The following DENND5B variants were observed in gnomAD, a reference collection of about 807,000 sequenced individuals.
DENND5B encodes the protein DENN domain containing 5B.
In DENND5B, 34 loss-of-function variants were observed where a neutral mutation model predicts 140.6. The ratio of observed to expected loss-of-function variants is 0.24; its 90% CI spans 0.18 to 0.32. The LOEUF is 0.32. DENND5B is among the 10% of genes least tolerant of loss of function. The pLI is 1.00. For synonymous variants in DENND5B, 551 were observed against 562.1 expected (o/e 0.98, Z 0.28); for missense variants, 1,142 against 1,560.2 (o/e 0.73, Z 4.52).
At chr12:31,427,863 G>A (rs1943319216) in intron 8 of DENND5B, among the ~76,000 whole-genome samples, 1 of 152,006 alleles carries the variant, frequency 6.6e-6, no homozygotes, top group South Asian at 2.1e-4. Flanking sequence ...TATAAAAGAA[G>A]ATGTGTAAAA....
At chr12:31,477,263 A>G (rs542953643) in intron 3 of DENND5B, among the ~76,000 whole-genome samples, 22 of 152,254 alleles carry the variant, frequency 1.4e-4, no homozygotes, top group African/African-American at 5.1e-4. Context: ...CTAATGGGCT[A>G]AAACACCATA....
chr12:31,590,393 C>T (rs1300080337), intron 1 of DENND5B: 2 of 189,010 alleles, frequency 1.1e-5, no homozygotes, highest in Non-Finnish European at 2.2e-5. Flanking sequence ...CACCGGCCGC[C>T]TCCGAGTGCG....
At chr12:31,438,072 C>G (rs1943858233) in intron 7 of DENND5B, among the ~76,000 whole-genome samples, 1 of 152,098 alleles carries the variant, frequency 6.6e-6, no homozygotes, top group Non-Finnish European at 1.5e-5. Context: ...ACCTCTGCCG[C>G]TCAAGTGATT....
rs557782426 is a variant in DENND5B, at chr12:31,555,340, G to A, written c.127+35366C>T. 1.1e-3 allele frequency among the ~76,000 whole-genome samples: 174 copies of A among 152,306 alleles called. 1 individual carries two copies. The highest frequency in any genetic ancestry group is 4.0e-3 in the African/African-American group (165 of 41,566). On this transcript the variant is annotated intron_variant, in intron 1 of 20. Coordinates refer to ENST00000389082, the MANE Select transcript of DENND5B (RefSeq NM_144973.4). ...TCCACTCCAGACCCTGTTTGCCTGG[G>A]TATCAGCAGCAGTGGCTGCAGAACA...
At chr12:31,461,406 T>G (rs1209447962) in intron 3 of DENND5B, among the ~76,000 whole-genome samples, 1 of 152,194 alleles carries the variant, frequency 6.6e-6, no homozygotes, top group Non-Finnish European at 1.5e-5. Flanking sequence ...CTCACTAGTT[T>G]ATCAAAATTA....
At position 31,521,490 on chromosome 12, in the gene DENND5B, AG is replaced by A. The variant is rs576352426; in HGVS notation, c.128-25572del. ...CTTATTTTTGTAGACTGAACTGTAC[AG>A]GGTTAAGTAAAATTATAATGAGAAA... On this transcript the variant is annotated intron_variant, in intron 1 of 20. Transcript: ENST00000389082. Among the ~76,000 whole-genome samples, 20 of 152,238 alleles carry A rather than the reference AG, an allele frequency of 1.3e-4. No individual in the cohort carries two copies. In the East Asian group the frequency reaches 3.9e-3, roughly 29 times the overall value.
intron 1 of DENND5B, among the ~76,000 whole-genome samples, chr12:31,542,667 A>T (rs1394570365): frequency 6.6e-6 from 1 of 152,206 alleles, no homozygotes; most frequent in South Asian, 2.1e-4. Flanking sequence ...AAAATTTTTT[A>T]AAAATGGGTA....
At chr12:31,490,440 C>T (rs77330293) in intron 2 of DENND5B, among the ~76,000 whole-genome samples, 3,131 of 151,976 alleles carry the variant, frequency 0.021, 56 homozygotes, top group South Asian at 0.053. Context: ...AGCCAAACCC[C>T]GTCTCCTCAA....
chr12:31,552,111 A>G (rs1247716604), intron 1 of DENND5B, among the ~76,000 whole-genome samples: 1 of 152,104 alleles, frequency 6.6e-6, no homozygotes, highest in Admixed American at 6.5e-5. Context: ...GTTGAATAGG[A>G]GTCGTGAGAG....
At chr12:31,552,041 T>C (rs887618153) in intron 1 of DENND5B, among the ~76,000 whole-genome samples, 8 of 152,182 alleles carry the variant, frequency 5.3e-5, no homozygotes, top group Non-Finnish European at 7.3e-5. Flanking sequence ...CTTTTCCTAA[T>C]TGAATACCCT....
intron 2 of DENND5B, among the ~76,000 whole-genome samples, chr12:31,490,105 G>C (rs1946466612): frequency 6.6e-6 from 1 of 151,266 alleles, no homozygotes; most frequent in Non-Finnish European, 1.5e-5. Context: ...TACATTGTTG[G>C]ACTTGGCAAG....
chr12:31,393,540 AT>A (rs1474802906), intron 17 of DENND5B, among the ~76,000 whole-genome samples: 33 of 152,314 alleles, frequency 2.2e-4, no homozygotes, highest in African/African-American at 7.9e-4. Flanking sequence ...GGTGGTAAAC[AT>A]TTCAGAAGTA....
chr12:31,539,067 C>T lies in DENND5B; in HGVS notation c.128-43148G>A, dbSNP rs181470342. On this transcript the variant is annotated intron_variant, in intron 1 of 20. Transcript: ENST00000389082. ...TAAAGAAGGAAACATTCAACTGATA[C>T]CACAGAAATTCAAAGGATCATTAGT... 4.7e-5 allele frequency among the ~76,000 whole-genome samples: 7 copies of T among 150,360 alleles called. No individual in the cohort carries two copies. In the East Asian group the frequency reaches 1.4e-3, roughly 29 times the overall value.
intron 1 of DENND5B, among the ~76,000 whole-genome samples, chr12:31,561,211 A>AG (rs778233209): frequency 6.2e-4 from 94 of 152,364 alleles, no homozygotes; most frequent in Non-Finnish European, 1.2e-3. Context: ...ACGCATCTCA[A>AG]GGGGGCAAAG....
intron 1 of DENND5B, among the ~76,000 whole-genome samples, chr12:31,551,834 T>C (rs190102716): frequency 1.8e-3 from 272 of 152,390 alleles, no homozygotes; most frequent in African/African-American, 4.4e-3. Context: ...CAATTGTGAA[T>C]GGGAGTTCAC....
intron 8 of DENND5B, among the ~76,000 whole-genome samples, chr12:31,427,973 C>A (rs1422727181): frequency 6.6e-6 from 1 of 152,194 alleles, no homozygotes; most frequent in Non-Finnish European, 1.5e-5. Flanking sequence ...AAAAATCCCA[C>A]TGATTAGGGA....
intron 11 of DENND5B, among the ~76,000 whole-genome samples, chr12:31,415,737 C>T (rs144542568): frequency 3.3e-5 from 5 of 152,268 alleles, no homozygotes; most frequent in Admixed American, 6.5e-5. Flanking sequence ...CAGGTGTGCA[C>T]CACCACACAT....
intron 3 of DENND5B, among the ~76,000 whole-genome samples, chr12:31,473,674 G>C (rs1945660544): frequency 6.6e-6 from 1 of 152,170 alleles, no homozygotes; most frequent in Non-Finnish European, 1.5e-5. Context: ...TTTGCTATTG[G>C]ATATTGATTT....
At chr12:31,548,879 G>A (rs913426272) in intron 1 of DENND5B, among the ~76,000 whole-genome samples, 6 of 152,092 alleles carry the variant, frequency 3.9e-5, no homozygotes, top group Admixed American at 2.6e-4. Flanking sequence ...AATAAACAGA[G>A]TACTACTGAA....
Sources: gnomAD v4.1 joint callset for allele counts (sites outside exome capture counted in the v4.1 genomes callset) on GRCh38, gnomAD v4.1.1 for gene constraint, MANE v1.5 for transcripts, NCBI Gene and HGNC (gene_info 2026-07-23, HGNC 2026-07-21) for gene names.